ITFG1: variants seen among roughly 807,000 people sequenced by gnomAD.
ITFG1 encodes the protein T-cell immunomodulatory protein.
In ITFG1, 34 loss-of-function variants were observed where a neutral mutation model predicts 81.8. That is an observed-to-expected ratio of 0.42 (90% CI 0.32 to 0.55). The LOEUF is 0.55. Ranked by LOEUF, ITFG1 falls within the 20% of genes least tolerant of loss-of-function variation. The probability of loss-of-function intolerance (pLI) is 0.17; values close to 1 mark genes in which losing one functional copy is unlikely to be tolerated. For missense variants in ITFG1, 672 were observed against 755.4 expected (o/e 0.89, Z 1.29); for synonymous variants, 285 against 270.6 (o/e 1.05, Z -0.52).
At chr16:47,230,779 C>T (rs1020442790) in intron 13 of ITFG1, among the ~76,000 whole-genome samples, 3 of 152,208 alleles carry the variant, frequency 2.0e-5, no homozygotes, top group African/African-American at 4.8e-5. Flanking sequence ...GACGGAGTCT[C>T]GCTCTGTCGC....
intron 12 of ITFG1, among the ~76,000 whole-genome samples, chr16:47,246,167 G>A (rs932366711): frequency 6.6e-6 from 1 of 152,100 alleles, no homozygotes; most frequent in Non-Finnish European, 1.5e-5. Context: ...TGTACAATAA[G>A]CTAAAAACTT....
intron 6 of ITFG1, among the ~76,000 whole-genome samples, chr16:47,424,981 A>G (rs566116656): frequency 5.3e-5 from 8 of 152,190 alleles, no homozygotes; most frequent in Admixed American, 2.6e-4. Flanking sequence ...GCTGTCAGAC[A>G]GGGATGTTTA....
intron 6 of ITFG1, among the ~76,000 whole-genome samples, chr16:47,386,476 C>T (rs939955948): frequency 6.6e-6 from 1 of 152,168 alleles, no homozygotes; most frequent in African/African-American, 2.4e-5. Context: ...GCTGTAGAGG[C>T]TAAATTCCAA....
intron 13 of ITFG1, among the ~76,000 whole-genome samples, chr16:47,227,313 T>G (rs2151530315): frequency 6.6e-6 from 1 of 152,348 alleles, no homozygotes; most frequent in East Asian, 1.9e-4. Flanking sequence ...TTGCTGTATC[T>G]TTCACACCTT....
At chr16:47,163,674 A>G (rs986911535) in intron 14 of ITFG1, among the ~76,000 whole-genome samples, 1 of 152,160 alleles carries the variant, frequency 6.6e-6, no homozygotes, top group Non-Finnish European at 1.5e-5. Flanking sequence ...AGTGTTTAAC[A>G]TCATTAGGAA....
At position 47,335,345 on chromosome 16, in the gene ITFG1, C is replaced by T. The variant is rs192871997; in HGVS notation, c.803-21522G>A. ...TGCACTCCAGCCTGGGTTGCAAGAG[C>T]GAGACTCTAAGAAAAAACAAAACAA... On this transcript the variant is annotated intron_variant, in intron 8 of 17. Transcript: ENST00000320640. Among the ~76,000 whole-genome samples, 4 of 151,806 alleles carry T rather than the reference C, an allele frequency of 2.6e-5. No individual in the cohort carries two copies. In the East Asian group the frequency reaches 5.8e-4, roughly 22 times the overall value.
intron 8 of ITFG1, among the ~76,000 whole-genome samples, chr16:47,350,155 C>A (rs997676175): frequency 2.0e-5 from 3 of 152,080 alleles, no homozygotes; most frequent in African/African-American, 7.2e-5. Flanking sequence ...ATTAAAAGAA[C>A]TAGAGAAGCA....
At chr16:47,214,365 T>G (rs564928923) in intron 14 of ITFG1, among the ~76,000 whole-genome samples, 2 of 152,344 alleles carry the variant, frequency 1.3e-5, no homozygotes, top group East Asian at 3.9e-4. Context: ...ATTTAAACAG[T>G]ATGGCCAAAT....
intron 8 of ITFG1, among the ~76,000 whole-genome samples, chr16:47,332,898 T>C (rs1967653989): frequency 6.6e-6 from 1 of 152,238 alleles, no homozygotes; most frequent in Non-Finnish European, 1.5e-5. Flanking sequence ...TCAAAGGTAC[T>C]AGAGCAATTT....
At chr16:47,183,330 C>T (rs995957479) in intron 14 of ITFG1, among the ~76,000 whole-genome samples, 1 of 152,164 alleles carries the variant, frequency 6.6e-6, no homozygotes, top group Admixed American at 6.5e-5. Context: ...GGGGGCAGGG[C>T]ACAGACAAAC....
chr16:47,216,364 C>CT (rs917491554), intron 14 of ITFG1, among the ~76,000 whole-genome samples: 12 of 151,778 alleles, frequency 7.9e-5, no homozygotes, highest in African/African-American at 1.9e-4. Flanking sequence ...TGGCTAATTT[C>CT]TTTTTTTTGC....
rs540733116 is a variant in ITFG1, at chr16:47,181,372, C to T, written c.1454-18708G>A. Among the ~76,000 whole-genome samples the T allele has an allele frequency of 1.1e-3, 161 of 148,618 alleles. 1 individual carries two copies. Among genetic ancestry groups the T allele is most frequent in the African/African-American group, 3.8e-3 (150 of 39,218 alleles). ...GAGGTGGGGGGGTCAGCCCCCCGCC[C>T]GGCCAGCCACCCCGTCCGGCAGGGA... is the stretch of plus-strand genomic sequence containing the variant. On this transcript the variant is annotated intron_variant, in intron 14 of 17. Coordinates refer to ENST00000320640, the MANE Select transcript of ITFG1 (RefSeq NM_030790.5).
At chr16:47,329,437 G>C (rs971384092) in intron 8 of ITFG1, among the ~76,000 whole-genome samples, 3 of 152,100 alleles carry the variant, frequency 2.0e-5, no homozygotes, top group Non-Finnish European at 4.4e-5. Context: ...TAGGAGCATG[G>C]GCTTAAGTTC....
At chr16:47,361,563 T>A (rs948339902) in intron 8 of ITFG1, among the ~76,000 whole-genome samples, 1 of 152,122 alleles carries the variant, frequency 6.6e-6, no homozygotes, top group African/African-American at 2.4e-5. Context: ...AGATACACCT[T>A]CCTTGATTAT....
chr16:47,346,665 A>C (rs917330911), intron 8 of ITFG1, among the ~76,000 whole-genome samples: 13 of 152,234 alleles, frequency 8.5e-5, no homozygotes, highest in African/African-American at 2.9e-4. Context: ...AAAATCTAGA[A>C]GACACTGATA....
chr16:47,258,802 CCATT>C, intron 11 of ITFG1, 62 bp from the exon 12 acceptor site: 1 of 656,670 alleles, frequency 1.5e-6, no homozygotes, highest in Admixed American at 3.3e-5. Context: ...AAAAAAATGA[CCATT>C]AAAATGCATG....
At position 47,319,072 on chromosome 16, in the gene ITFG1, A is replaced by AT. The variant is rs751442206; in HGVS notation, c.803-5250dup. On this transcript the variant is annotated intron_variant, in intron 8 of 17. Coordinates refer to ENST00000320640, the MANE Select transcript of ITFG1 (RefSeq NM_030790.5). The stretch of plus-strand genomic sequence containing the variant: ...CTTGCACTTTGAATGAATGCTTCAT[A>AT]TCCATCTATGCATTCATGTAAAATG... 9.8e-4 allele frequency among the ~76,000 whole-genome samples: 149 copies of AT among 152,356 alleles called. 1 individual carries two copies. Among genetic ancestry groups the AT allele is most frequent in the Non-Finnish European group, 1.4e-3 (94 of 68,036 alleles).
At chr16:47,368,677 T>C (rs1968211103) in intron 7 of ITFG1, among the ~76,000 whole-genome samples, 1 of 148,692 alleles carries the variant, frequency 6.7e-6, no homozygotes, top group African/African-American at 2.5e-5. Flanking sequence ...TTCTATGAGA[T>C]AAAGCTGAAT....
At chr16:47,433,563 CTT>C (rs964321491) in intron 5 of ITFG1, among the ~76,000 whole-genome samples, 1 of 151,986 alleles carries the variant, frequency 6.6e-6, no homozygotes, top group African/African-American at 2.4e-5. Flanking sequence ...AAAATCAACA[CTT>C]AAGTTCTTCA....
Sources: allele counts gnomAD v4.1 joint callset (sites outside exome capture counted in the v4.1 genomes callset), GRCh38; gene constraint gnomAD v4.1.1; transcripts MANE v1.5; gene names NCBI Gene and HGNC (gene_info 2026-07-23, HGNC 2026-07-21).